MCF2: variants seen among roughly 807,000 people sequenced by gnomAD.
MCF2 encodes the protein proto-oncogene DBL.
In MCF2, 44 loss-of-function variants were observed where a neutral mutation model predicts 82.5. The observed-to-expected ratio is 0.53, with a 90% confidence interval of 0.42 to 0.69. The LOEUF is 0.69. Ranked by LOEUF, MCF2 falls within the 30% of genes least tolerant of loss-of-function variation. The pLI, the probability that MCF2 is intolerant of heterozygous loss-of-function variation, is 0.00. For missense variants in MCF2, 623 were observed against 663.1 expected (o/e 0.94, Z 0.66); for synonymous variants, 217 against 224.9 (o/e 0.96, Z 0.32).
intron 24 of MCF2, among the ~76,000 whole-genome samples, chrX:139,583,704 C>T (rs1325143062): frequency 9.0e-6 from 1 of 111,664 alleles, no homozygotes; most frequent in Non-Finnish European, 1.9e-5. Flanking sequence ...CAGCATCACG[C>T]AGTATTCCCA....
At chrX:139,690,813 C>T (rs947570102) in intron 1 of MCF2, among the ~76,000 whole-genome samples, 78 of 111,818 alleles carry the variant, frequency 7.0e-4, no homozygotes, top group African/African-American at 2.4e-3. Context: ...TCAAAACTAC[C>T]TTGGGTGCAC....
At chrX:139,624,420 G>A (rs935225372) in intron 6 of MCF2, among the ~76,000 whole-genome samples, 3 of 108,860 alleles carry the variant, frequency 2.8e-5, no homozygotes, top group Non-Finnish European at 5.7e-5. Context: ...CATACCTGTA[G>A]TCCCAGCTAC....
At chrX:139,696,263 C>T (rs1935375811) in intron 1 of MCF2, among the ~76,000 whole-genome samples, 1 of 100,175 alleles carries the variant, frequency 1.0e-5, no homozygotes, top group Non-Finnish European at 2.0e-5. Flanking sequence ...TACCCTCCCT[C>T]CCTTCCCTCC....
At position 139,605,830 on chromosome X, in the gene MCF2, T is replaced by C. The variant is rs372746384; in HGVS notation, c.1491-51A>G. On this transcript the variant is annotated intron_variant, in intron 12 of 24. Transcript: ENST00000370576. ...AGTTATTTTATTACTGAGATCTATA[T>C]TGCAATGTTTCAAGTATTATCATCA... The C allele has an allele frequency of 3.3e-6, 3 of 911,092 alleles. No homozygotes were observed. The African/African-American group carries it at 5.9e-5, about 18-fold the overall frequency. 75.1% of individuals were successfully genotyped at this position (911,092 alleles called of 1,213,427 possible).
chrX:139,605,741 T>A, exon 13 of MCF2: 1 of 1,203,863 alleles, frequency 8.3e-7, no homozygotes, highest in Non-Finnish European at 1.1e-6. Context: ...TTCTCGAACA[T>A]AAACTCTCTC....
At chrX:139,634,573 T>A (rs1183595559) in intron 1 of MCF2, among the ~76,000 whole-genome samples, 4 of 111,159 alleles carry the variant, frequency 3.6e-5, no homozygotes, top group Non-Finnish European at 7.6e-5. Context: ...AATAAGTAAA[T>A]TAAAAGAGCA....
At chrX:139,666,105 T>C (rs1008712331) in intron 1 of MCF2, among the ~76,000 whole-genome samples, 2 of 108,296 alleles carry the variant, frequency 1.8e-5, no homozygotes, top group African/African-American at 3.3e-5. Context: ...TTATTACAAA[T>C]AATCCAATTA....
intron 1 of MCF2, among the ~76,000 whole-genome samples, chrX:139,694,829 T>C (rs945575018): frequency 2.7e-5 from 3 of 110,121 alleles, no homozygotes; most frequent in African/African-American, 6.6e-5. Context: ...ATGGATTTTA[T>C]GGATTTTTTA....
intron 1 of MCF2, among the ~76,000 whole-genome samples, chrX:139,654,932 T>C (rs949611958): frequency 2.1e-4 from 24 of 112,269 alleles, no homozygotes; most frequent in African/African-American, 7.1e-4. Context: ...TTATCACTTT[T>C]GTCGAATATG....
chrX:139,635,662 A>T (rs767474569), intron 1 of MCF2, among the ~76,000 whole-genome samples: 39 of 109,048 alleles, frequency 3.6e-4, no homozygotes, highest in African/African-American at 1.1e-3. Flanking sequence ...GCCGAAAAAA[A>T]ATATATATAT....
chrX:139,597,996 C>T (rs1002110842), intron 17 of MCF2, among the ~76,000 whole-genome samples: 14 of 111,823 alleles, frequency 1.3e-4, no homozygotes, highest in African/African-American at 3.9e-4. Flanking sequence ...ATACTTAACA[C>T]AAGATTCTAG....
At chrX:139,647,801 C>T (rs1933853567), upstream of MCF2, among the ~76,000 whole-genome samples, 1 of 111,785 alleles carries the variant, frequency 8.9e-6, no homozygotes, top group Non-Finnish European at 1.9e-5. Flanking sequence ...ATATTGAAAA[C>T]GAAAGCCACT....
intron 19 of MCF2, among the ~76,000 whole-genome samples, chrX:139,594,836 G>A (rs1280616080): frequency 9.0e-6 from 1 of 110,995 alleles, no homozygotes; most frequent in Non-Finnish European, 1.9e-5. Flanking sequence ...ACCTGACAAA[G>A]GGCTAATATC....
chrX:139,707,235 G>A (rs1276642845), intron 1 of MCF2, among the ~76,000 whole-genome samples: 1 of 110,402 alleles, frequency 9.1e-6, no homozygotes, highest in Non-Finnish European at 1.9e-5. Context: ...GAGAAAAAAA[G>A]GGTTGGAGTT....
At chrX:139,651,435 A>C (rs1193126232) in intron 2 of MCF2, among the ~76,000 whole-genome samples, 2 of 111,335 alleles carry the variant, frequency 1.8e-5, no homozygotes, top group African/African-American at 3.3e-5. Context: ...ACTTTCAACT[A>C]TCATAGATTT....
At chrX:139,663,260 C>T (rs1012614407) in intron 1 of MCF2, among the ~76,000 whole-genome samples, 6 of 112,011 alleles carry the variant, frequency 5.4e-5, no homozygotes, top group East Asian at 2.8e-4. Context: ...CATTTCTACC[C>T]GCAGTATATA....
chrX:139,587,858 T>TTC lies in MCF2; in HGVS notation c.2450-72_2450-71dup, dbSNP rs1193243461. On this transcript the variant is annotated intron_variant, in intron 21 of 24. Coordinates refer to ENST00000370576, the Ensembl canonical transcript of MCF2. Reference sequence around the variant, plus strand: ...CTTACTTCCTTGAAGGCCAATGACTTTCTCTCTCTCACACACACACACACA... The same window carrying TTC: ...CTTACTTCCTTGAAGGCCAATGACTTTCTCTCTCTCTCACACACACACACACA... The TTC allele has an allele frequency of 1.4e-3, 847 of 597,142 alleles. 5 individuals are homozygous for TTC. The African/African-American group carries it at 0.017, about 12-fold the overall frequency. The allele number at this position is 597,142 out of a possible 1,213,427, so 49.2% of individuals were successfully genotyped here. A position where few individuals can be genotyped will look rare whatever the true frequency, so the allele number is the denominator to read the frequency against.
At chrX:139,675,829 T>C (rs1259553408) in intron 1 of MCF2, among the ~76,000 whole-genome samples, 3 of 112,323 alleles carry the variant, frequency 2.7e-5, no homozygotes, top group Non-Finnish European at 5.6e-5. Flanking sequence ...TCAAACACCA[T>C]GCTGGGAGAA....
At chrX:139,649,367 G>T (rs1282743536) in intron 2 of MCF2, among the ~76,000 whole-genome samples, 1 of 111,592 alleles carries the variant, frequency 9.0e-6, no homozygotes, top group Non-Finnish European at 1.9e-5. Context: ...GAGATTTAGT[G>T]AATCTTTAAG....
Sources: allele counts gnomAD v4.1 joint callset (sites outside exome capture counted in the v4.1 genomes callset), GRCh38; gene constraint gnomAD v4.1.1; transcripts MANE v1.5; gene names NCBI Gene and HGNC (gene_info 2026-07-23, HGNC 2026-07-21).